NRG3: variants seen among roughly 807,000 people sequenced by gnomAD.
NRG3 encodes pro-neuregulin-3, membrane-bound isoform.
NRG3 carries 31 observed loss-of-function variants against 66.9 expected under a neutral mutation model. The observed-to-expected ratio is 0.46, with a 90% CI of 0.35 to 0.63. NRG3 has a LOEUF of 0.63. Ranked by LOEUF, NRG3 falls within the 20% of genes least tolerant of loss-of-function variation. The pLI is 0.00. For synonymous variants in NRG3, 393 were observed against 359.4 expected, an observed-to-expected ratio of 1.09 and a Z score of -1.06; for missense variants, 910 against 878.9, an observed-to-expected ratio of 1.04 and a Z score of -0.45.
intron 2 of NRG3, among the ~76,000 whole-genome samples, chr10:82,665,012 G>A (rs2052653052): frequency 6.6e-6 from 1 of 152,066 alleles, no homozygotes; most frequent in South Asian, 2.1e-4. Flanking sequence ...GCCTTCTCAC[G>A]ATGATGTCCA....
At chr10:82,074,045 C>T (rs1257240414) in intron 1 of NRG3, among the ~76,000 whole-genome samples, 1 of 151,196 alleles carries the variant, frequency 6.6e-6, no homozygotes, top group Non-Finnish European at 1.5e-5. Context: ...AGAGATACAG[C>T]AGCATAGCAT....
At chr10:82,450,111 T>C (rs1278677605) in intron 2 of NRG3, among the ~76,000 whole-genome samples, 1 of 152,212 alleles carries the variant, frequency 6.6e-6, no homozygotes, top group Non-Finnish European at 1.5e-5. Context: ...GTTCAACATT[T>C]CCCTCTCTGG....
chr10:82,694,913 A>G (rs921970020), intron 2 of NRG3, among the ~76,000 whole-genome samples: 2 of 152,222 alleles, frequency 1.3e-5, no homozygotes, highest in Non-Finnish European at 2.9e-5. Context: ...ACTTAAATAG[A>G]TAACATAAGA....
intron 2 of NRG3, among the ~76,000 whole-genome samples, chr10:82,528,795 G>T (rs1459288429): frequency 2.0e-5 from 3 of 152,024 alleles, no homozygotes; most frequent in Non-Finnish European, 4.4e-5. Flanking sequence ...AGTATTGCCA[G>T]TTGCAGAAAA....
intron 1 of NRG3, among the ~76,000 whole-genome samples, chr10:82,175,189 G>A (rs1284477297): frequency 4.6e-5 from 7 of 151,988 alleles, no homozygotes; most frequent in South Asian, 4.2e-4. Flanking sequence ...TCACCAACAC[G>A]AGGTCAGGCA....
chr10:82,349,906 C>T (rs1363422751), intron 1 of NRG3, among the ~76,000 whole-genome samples: 1 of 152,188 alleles, frequency 6.6e-6, no homozygotes, highest in Non-Finnish European at 1.5e-5. Context: ...TGAGGCAATG[C>T]CTCGCCCTGC....
At chr10:82,505,074 A>G (rs1041806923) in intron 2 of NRG3, among the ~76,000 whole-genome samples, 4 of 152,220 alleles carry the variant, frequency 2.6e-5, no homozygotes, top group African/African-American at 9.6e-5. Context: ...AGCTATTTTT[A>G]TTTTAAATAT....
At chr10:82,581,376 A>T (rs1307751010) in intron 2 of NRG3, among the ~76,000 whole-genome samples, 1 of 152,020 alleles carries the variant, frequency 6.6e-6, no homozygotes, top group Non-Finnish European at 1.5e-5. Flanking sequence ...ATTTTCTCCC[A>T]GTGTGTGGTT....
intron 3 of NRG3, among the ~76,000 whole-genome samples, chr10:82,752,720 G>A (rs2058921291): frequency 6.6e-6 from 1 of 152,172 alleles, no homozygotes. Flanking sequence ...TCATGAATGG[G>A]ATTAATGACC....
intron 1 of NRG3, among the ~76,000 whole-genome samples, chr10:81,962,306 G>C (rs1589609268): frequency 6.6e-6 from 1 of 152,138 alleles, no homozygotes; most frequent in Admixed American, 6.5e-5. Flanking sequence ...GCCAGTAGAA[G>C]CCAGTCAACA....
At chr10:82,170,662 A>G (rs893297628) in intron 1 of NRG3, among the ~76,000 whole-genome samples, 1,767 of 91,626 alleles carry the variant, frequency 0.019, 40 homozygotes, top group Middle Eastern at 0.038. Context: ...TGGTATATAT[A>G]TATATATATA....
intron 1 of NRG3, among the ~76,000 whole-genome samples, chr10:81,975,262 A>T (rs868187863): frequency 6.6e-6 from 1 of 152,128 alleles, no homozygotes; most frequent in African/African-American, 2.4e-5. Context: ...TTGAGAGGAC[A>T]ATGCAAACAA....
intron 1 of NRG3, among the ~76,000 whole-genome samples, chr10:81,988,006 G>A (rs2060590234): frequency 6.6e-6 from 1 of 152,198 alleles, no homozygotes; most frequent in Non-Finnish European, 1.5e-5. Flanking sequence ...TATTGTTGGA[G>A]AATAATCTTG....
At chr10:82,429,778 C>T (rs567214115) in intron 2 of NRG3, among the ~76,000 whole-genome samples, 34 of 152,180 alleles carry the variant, frequency 2.2e-4, no homozygotes, top group African/African-American at 7.5e-4. Context: ...TTCATAGTGT[C>T]CCGTACGTCT....
chr10:82,046,668 C>G (rs1257222535), intron 1 of NRG3, among the ~76,000 whole-genome samples: 1 of 44,610 alleles, frequency 2.2e-5, no homozygotes, highest in African/African-American at 4.4e-5. Context: ...GGAATGCTTC[C>G]AGTTTTTGCC....
At chr10:81,956,477 G>A (rs887824074) in intron 1 of NRG3, among the ~76,000 whole-genome samples, 3 of 152,112 alleles carry the variant, frequency 2.0e-5, no homozygotes, top group African/African-American at 7.2e-5. Context: ...TGAGTAATTT[G>A]TTATGCAGCT....
intron 3 of NRG3, among the ~76,000 whole-genome samples, chr10:82,784,982 T>G (rs546780338): frequency 6.6e-6 from 1 of 152,044 alleles, no homozygotes; most frequent in South Asian, 2.1e-4. Flanking sequence ...TAGACTGGAT[T>G]AAGAAAATGT....
intron 1 of NRG3, among the ~76,000 whole-genome samples, chr10:82,006,118 A>G (rs1340486070): frequency 6.6e-6 from 1 of 152,088 alleles, no homozygotes; most frequent in Non-Finnish European, 1.5e-5. Flanking sequence ...TTCTAAAATC[A>G]GTCAGATTAT....
chr10:82,856,743 CAAAAAAAAAAAACAAAAA>C (rs1202845891), intron 3 of NRG3, among the ~76,000 whole-genome samples: 1 of 66,420 alleles, frequency 1.5e-5, no homozygotes, highest in Non-Finnish European at 2.9e-5. Flanking sequence ...GACTCTGTCT[CAAAAAAAAAAAACAAAAA>C]AAAAAAAAAA....
Sources: allele counts gnomAD v4.1 joint callset (sites outside exome capture counted in the v4.1 genomes callset), GRCh38; gene constraint gnomAD v4.1.1; transcripts MANE v1.5; gene names NCBI Gene and HGNC (gene_info 2026-07-23, HGNC 2026-07-21).